Variants in PARD3B observed in about 807,000 individuals in gnomAD.
PARD3B encodes the protein par-3 family cell polarity regulator beta.
A neutral mutation model predicts 130.2 loss-of-function variants in PARD3B; 103 were observed. The ratio of observed to expected loss-of-function variants is 0.79; its 90% CI spans 0.67 to 0.93. The LOEUF is 0.93. Among genes scored for constraint, PARD3B ranks in the 40% least tolerant of loss-of-function variants. PARD3B has a pLI of 0.00. For synonymous variants in PARD3B, 583 were observed against 553.2 expected, an observed-to-expected ratio of 1.05 and a Z score of -0.76; for missense variants, 1,609 against 1,499.2, an observed-to-expected ratio of 1.07 and a Z score of -1.21.
intron 20 of PARD3B, among the ~76,000 whole-genome samples, chr2:205,492,369 A>G (rs1334916823): frequency 6.6e-6 from 1 of 152,206 alleles, no homozygotes. Context: ...TATAGTAAAC[A>G]AAGACCCCTT....
At chr2:205,552,202 G>C (rs1414155964) in intron 21 of PARD3B, among the ~76,000 whole-genome samples, 1 of 152,038 alleles carries the variant, frequency 6.6e-6, no homozygotes, top group Non-Finnish European at 1.5e-5. Context: ...GTAAACACAG[G>C]ACGTACAGAG....
intron 21 of PARD3B, among the ~76,000 whole-genome samples, chr2:205,541,593 C>T (rs1042950235): frequency 6.6e-6 from 1 of 152,086 alleles, no homozygotes; most frequent in African/African-American, 2.4e-5. Context: ...AAGTGATTGC[C>T]CGCCTCAGCC....
chr2:204,867,331 C>A (rs1199393400), intron 2 of PARD3B, among the ~76,000 whole-genome samples: 1 of 152,142 alleles, frequency 6.6e-6, no homozygotes, highest in East Asian at 1.9e-4. Context: ...CCTCTCAACA[C>A]CTTCAATTCT....
At chr2:204,757,397 C>G (rs1007620117) in intron 2 of PARD3B, among the ~76,000 whole-genome samples, 1 of 152,166 alleles carries the variant, frequency 6.6e-6, no homozygotes, top group African/African-American at 2.4e-5. Context: ...TAAGTGTTCT[C>G]TTTCCTCCAC....
intron 18 of PARD3B, among the ~76,000 whole-genome samples, chr2:205,354,350 G>A (rs1200557289): frequency 1.3e-5 from 2 of 151,786 alleles, no homozygotes; most frequent in African/African-American, 4.8e-5. Flanking sequence ...TCAGACAGCA[G>A]ATTAAAGAAG....
At chr2:204,820,075 T>TTTTTTTTA in intron 2 of PARD3B, among the ~76,000 whole-genome samples, 1 of 141,136 alleles carries the variant, frequency 7.1e-6, no homozygotes, top group East Asian at 2.1e-4. Flanking sequence ...AATAGACTTT[T>TTTTTTTTA]TTTTTTTTTT....
chr2:205,614,645 G>A (rs2055355176), intron 22 of PARD3B, among the ~76,000 whole-genome samples: 1 of 151,740 alleles, frequency 6.6e-6, no homozygotes, highest in South Asian at 2.1e-4. Context: ...GGCAGAGGTT[G>A]CAGTGAGCTG....
At chr2:204,616,080 C>G (rs184711712) in intron 1 of PARD3B, among the ~76,000 whole-genome samples, 7 of 152,134 alleles carry the variant, frequency 4.6e-5, no homozygotes, top group Admixed American at 1.3e-4. Context: ...TTTTTAGGTA[C>G]AACACCAAAG....
At chr2:204,679,936 T>C (rs2036743622) in intron 1 of PARD3B, among the ~76,000 whole-genome samples, 1 of 152,094 alleles carries the variant, frequency 6.6e-6, no homozygotes, top group African/African-American at 2.4e-5. Flanking sequence ...CATCACTGAA[T>C]TTGATTTACA....
At chr2:204,988,543 C>T (rs1007982972) in intron 3 of PARD3B, among the ~76,000 whole-genome samples, 13 of 152,176 alleles carry the variant, frequency 8.5e-5, no homozygotes, top group African/African-American at 3.1e-4. Context: ...ATACCCCATT[C>T]TCCATGATGT....
At chr2:205,174,924 A>G (rs1267633775) in intron 12 of PARD3B, among the ~76,000 whole-genome samples, 4 of 152,216 alleles carry the variant, frequency 2.6e-5, no homozygotes, top group South Asian at 2.1e-4. Flanking sequence ...TTGAGGTTCA[A>G]TTGTAATTCT....
At position 205,575,476 on chromosome 2, in the gene PARD3B, G is replaced by T. The variant is rs2053725947; in HGVS notation, c.3260+22073G>T. On this transcript the variant is annotated intron_variant, in intron 22 of 22. Coordinates refer to ENST00000406610, the MANE Select transcript of PARD3B (RefSeq NM_001302769.2). This position sits in a 1 kb window ranked among gnomAD's most constrained non-coding sequence, Gnocchi z 4.6. The stretch of plus-strand genomic sequence containing the variant: ...ATAATGACATGTATGTATCATTATA[G>T]TATCATGCAAAGTGTTTTTACTGCC... Among the ~76,000 whole-genome samples, 1 of 151,982 alleles carries T rather than the reference G, an allele frequency of 6.6e-6. No homozygotes were observed. Among genetic ancestry groups the T allele is most frequent in the Admixed American group, 6.6e-5 (1 of 15,246 alleles).
intron 2 of PARD3B, among the ~76,000 whole-genome samples, chr2:204,896,429 T>C (rs2046642653): frequency 6.6e-6 from 1 of 152,198 alleles, no homozygotes; most frequent in African/African-American, 2.4e-5. Context: ...CTTGACTGGC[T>C]GAGCTACCTC....
intron 1 of PARD3B, among the ~76,000 whole-genome samples, chr2:204,595,962 T>C (rs536060653): frequency 6.6e-6 from 1 of 152,376 alleles, no homozygotes; most frequent in East Asian, 1.9e-4. Flanking sequence ...TTGCAGGTGC[T>C]ATGCTAGATG....
At chr2:205,140,828 A>G (rs2032889946) in intron 10 of PARD3B, among the ~76,000 whole-genome samples, 1 of 152,134 alleles carries the variant, frequency 6.6e-6, no homozygotes. Flanking sequence ...TTTTTTTGGT[A>G]GGCTGAGATT....
chr2:205,496,607 AG>A (rs2049935512), intron 20 of PARD3B, among the ~76,000 whole-genome samples: 1 of 152,174 alleles, frequency 6.6e-6, no homozygotes, highest in African/African-American at 2.4e-5. Context: ...TGTCAGCCAC[AG>A]GGGACTTTCT....
rs1296928742 is a variant in PARD3B at position 205,125,676 on chromosome 2, A to AG, written c.1378dup (p.Glu460GlyfsTer24). ...GTGGCCATGCTCAGGAGCACCAAGC[A>AG]GGGGGAGACAGCATCGCTGGTCATT... On this transcript the variant is annotated frameshift_variant, in exon 10 of 23. Transcript: ENST00000406610. LOFTEE classifies it high-confidence loss of function. This position sits in a 1 kb window ranked among gnomAD's most constrained non-coding sequence, Gnocchi z 4.0. The AG allele has an allele frequency of 1.2e-6, 2 of 1,614,046 alleles. No individual in the cohort carries two copies. The highest frequency in any genetic ancestry group is 1.7e-6 in the Non-Finnish European group (2 of 1,180,042).
At chr2:204,710,035 T>C (rs1471075605) in intron 2 of PARD3B, among the ~76,000 whole-genome samples, 1 of 152,184 alleles carries the variant, frequency 6.6e-6, no homozygotes, top group East Asian at 1.9e-4. Context: ...AAAATTTTAT[T>C]AGTTTCATTG....
intron 2 of PARD3B, among the ~76,000 whole-genome samples, chr2:204,880,475 C>G (rs1229329489): frequency 1.3e-5 from 2 of 151,844 alleles, no homozygotes; most frequent in South Asian, 2.1e-4. Context: ...TCCTGGCCAA[C>G]ATGTTGTAAC....
Sources: allele counts gnomAD v4.1 joint callset (sites outside exome capture counted in the v4.1 genomes callset), GRCh38; gene constraint gnomAD v4.1.1; non-coding constraint Gnocchi (gnomAD v3.1); transcripts MANE v1.5; gene names NCBI Gene and HGNC (gene_info 2026-07-23, HGNC 2026-07-21).